The following NHERF2 variants were observed in gnomAD, a reference collection of about 807,000 sequenced individuals.
NHERF2 encodes NHERF family PDZ scaffold protein 2, also known as Na(+)/H(+) exchange regulatory cofactor NHE-RF2.
At chr16:2,036,922 G>A in the NHERF2 span, 2 of 1,580,520 alleles carry the variant, frequency 1.3e-6, no homozygotes, top group Non-Finnish European at 1.7e-6. Flanking sequence ...GCGGTGTGGT[G>A]GCTGAGCAGC....
the NHERF2 span, chr16:2,033,294 AGAG>A: frequency 2.6e-6 from 4 of 1,532,054 alleles, no homozygotes; most frequent in South Asian, 1.2e-5. Context: ...TGGGTCGGCC[AGAG>A]AGTTCAGGCC....
At chr16:2,037,458 G>A in the NHERF2 span, 6 of 1,271,964 alleles carry the variant, frequency 4.7e-6, no homozygotes, top group Admixed American at 2.0e-5. Context: ...CACTGGGGGG[G>A]GGTGTGCCTC....
the NHERF2 span, chr16:2,036,381 C>T: frequency 6.2e-7 from 1 of 1,610,686 alleles, no homozygotes; most frequent in Non-Finnish European, 8.5e-7. Context: ...GCGAAAGGGA[C>T]CTCAGGGCTA....
At chr16:2,029,627 G>C in the NHERF2 span, 2 of 1,579,530 alleles carry the variant, frequency 1.3e-6, no homozygotes, top group Admixed American at 3.7e-5. Flanking sequence ...TCGGCTGCTG[G>C]TGGTGGACCA....
At chr16:2,029,056 A>G in the NHERF2 span, among the ~76,000 whole-genome samples, 1 of 152,218 alleles carries the variant, frequency 6.6e-6, no homozygotes, top group Non-Finnish European at 1.5e-5. Flanking sequence ...TATAAGGCCT[A>G]GGGTCAGGAG....
the NHERF2 span, among the ~76,000 whole-genome samples, chr16:2,034,953 CTA>C: frequency 6.6e-6 from 1 of 152,186 alleles, no homozygotes; most frequent in Admixed American, 6.5e-5. Context: ...AGGAGTGAGT[CTA>C]TGTGGTGGGG....
At chr16:2,038,251 GAC>G in the NHERF2 span, 3 of 579,842 alleles carry the variant, frequency 5.2e-6, no homozygotes, top group South Asian at 1.9e-5. Flanking sequence ...CACAGAGAGA[GAC>G]AGAGAGAGAG....
the NHERF2 span, chr16:2,037,585 C>T: frequency 1.1e-4 from 172 of 1,612,856 alleles, no homozygotes; most frequent in African/African-American, 1.7e-4. Flanking sequence ...TGCCTGGTTC[C>T]GACAAGGACA....
At chr16:2,036,104 G>T in the NHERF2 span, 2 of 522,230 alleles carry the variant, frequency 3.8e-6, no homozygotes, top group African/African-American at 1.9e-5. Context: ...GGCTGGGCCC[G>T]TCGGGGAGGC....
the NHERF2 span, among the ~76,000 whole-genome samples, chr16:2,032,208 CAG>C: frequency 6.6e-6 from 1 of 152,044 alleles, no homozygotes; most frequent in Non-Finnish European, 1.5e-5. This position sits in a 1 kb window ranked among gnomAD's most constrained non-coding sequence, Gnocchi z 4.0. Context: ...TTGGTAGAGA[CAG>C]GGTTTCACCG....
At chr16:2,035,917 C>A in the NHERF2 span, 1 of 188,972 alleles carries the variant, frequency 5.3e-6, no homozygotes, top group Non-Finnish European at 1.1e-5. Flanking sequence ...CTAGGAGCGC[C>A]TGCCCCACGC....
the NHERF2 span, chr16:2,036,923 G>A: frequency 1.3e-6 from 2 of 1,579,660 alleles, no homozygotes; most frequent in South Asian, 1.2e-5. Flanking sequence ...CGGTGTGGTG[G>A]CTGAGCAGCC....
the NHERF2 span, chr16:2,035,749 G>A: frequency 6.8e-6 from 6 of 883,650 alleles, no homozygotes; most frequent in South Asian, 1.6e-4. Flanking sequence ...GCACCAGGAG[G>A]CCCTCTGTGC....
the NHERF2 span, chr16:2,036,832 T>G: frequency 1.2e-6 from 2 of 1,612,228 alleles, no homozygotes. Context: ...CCGAGACAGA[T>G]GAACACTTCA....
chr16:2,032,633 T>C, the NHERF2 span, among the ~76,000 whole-genome samples: 2 of 152,118 alleles, frequency 1.3e-5, no homozygotes, highest in Admixed American at 6.5e-5. The surrounding 1 kb of genome is among the most constrained non-coding windows in gnomAD (Gnocchi z 4.0). Context: ...TGGCTGGGGA[T>C]AGGGGAGGTG....
At chr16:2,029,296 C>G in the NHERF2 span, among the ~76,000 whole-genome samples, 1 of 152,138 alleles carries the variant, frequency 6.6e-6, no homozygotes. Flanking sequence ...TCCTGCAGCC[C>G]CTTCCCAGCC....
At chr16:2,035,338 C>A in the NHERF2 span, 4 of 929,034 alleles carry the variant, frequency 4.3e-6, no homozygotes, top group Non-Finnish European at 5.1e-6. Flanking sequence ...GTGTCTGAGG[C>A]CTGGAGACCT....
At chr16:2,038,307 C>T in the NHERF2 span, 1 of 535,880 alleles carries the variant, frequency 1.9e-6, no homozygotes, top group Non-Finnish European at 3.4e-6. Context: ...CTTTGCTGCT[C>T]TGCCGGGGCC....
At chr16:2,037,725 C>T in the NHERF2 span, 1 of 1,550,788 alleles carries the variant, frequency 6.4e-7, no homozygotes, top group Middle Eastern at 1.7e-4. Context: ...AGCCCCAGCC[C>T]CAGCAGGCAG....
Sources: gnomAD v4.1 joint callset for allele counts (sites outside exome capture counted in the v4.1 genomes callset) on GRCh38, gnomAD v4.1.1 for gene constraint, Gnocchi (gnomAD v3.1) non-coding constraint, MANE v1.5 for transcripts, NCBI Gene and HGNC (gene_info 2026-07-23, HGNC 2026-07-21) for gene names.